Variants in NIPBL observed in about 807,000 individuals in gnomAD.
NIPBL encodes the protein NIPBL cohesin loading factor.
Under a neutral mutation model 321.8 loss-of-function variants are expected in NIPBL, and 19 were observed. That is an observed-to-expected ratio of 0.06 (90% CI 0.04 to 0.09). The LOEUF (loss-of-function observed/expected upper bound fraction) is 0.09. Ranked by LOEUF, NIPBL falls within the 10% of genes least tolerant of loss-of-function variation. The pLI, the probability that NIPBL is intolerant of heterozygous loss-of-function variation, is 1.00. For missense variants in NIPBL, 2,210 were observed against 3,327.0 expected (o/e 0.66, Z 8.26); for synonymous variants, 1,106 against 1,114.1 (o/e 0.99, Z 0.14).
chr5:36,955,008 A>G, intron 2 of NIPBL: 1 of 157,564 alleles, frequency 6.3e-6, no homozygotes. Flanking sequence ...CTTTCTTGCT[A>G]AAGTGAGGTA....
At chr5:37,035,260 C>T (rs971563179) in intron 32 of NIPBL, among the ~76,000 whole-genome samples, 1 of 152,214 alleles carries the variant, frequency 6.6e-6, no homozygotes, top group Non-Finnish European at 1.5e-5. Flanking sequence ...GACAATGAGA[C>T]CCTGTCTCAG....
chr5:37,041,264 T>TTTG (rs2149725068), intron 34 of NIPBL, among the ~76,000 whole-genome samples: 1 of 125,130 alleles, frequency 8.0e-6, no homozygotes, highest in Admixed American at 8.0e-5. Flanking sequence ...TTTTTTTTTT[T>TTTG]TTTTTTTTTT....
intron 9 of NIPBL, among the ~76,000 whole-genome samples, chr5:36,980,875 T>A (rs1161299416): frequency 6.6e-6 from 1 of 151,700 alleles, no homozygotes; most frequent in Non-Finnish European, 1.5e-5. Context: ...TGTGATGGGA[T>A]GGTATTTGTT....
At chr5:36,956,521 T>C (rs1207460935) in intron 3 of NIPBL, among the ~76,000 whole-genome samples, 3 of 151,402 alleles carry the variant, frequency 2.0e-5, no homozygotes, top group African/African-American at 7.3e-5. Context: ...GATTTTCTAA[T>C]GGAGAAGCTA....
chr5:37,015,504 G>A (rs573356751), intron 22 of NIPBL, among the ~76,000 whole-genome samples: 200 of 152,244 alleles, frequency 1.3e-3, no homozygotes, highest in African/African-American at 4.7e-3. Context: ...GAAGACCAAG[G>A]CAGGTGGATT....
At chr5:36,899,738 T>TAGA (rs1747058824) in intron 1 of NIPBL, among the ~76,000 whole-genome samples, 1 of 152,230 alleles carries the variant, frequency 6.6e-6, no homozygotes, top group Non-Finnish European at 1.5e-5. Flanking sequence ...TAAGTACATG[T>TAGA]ATATACACAG....
intron 1 of NIPBL, among the ~76,000 whole-genome samples, chr5:36,920,849 C>T (rs1748880553): frequency 6.6e-6 from 1 of 150,576 alleles, no homozygotes; most frequent in South Asian, 2.1e-4. Flanking sequence ...TCAAAGACTG[C>T]CTGGACCTAC....
Position 36,985,210 on chromosome 5 carries a change from G to A in NIPBL, c.2030G>A (p.Arg677Lys). The change falls in exon 10 of 47, where the codon AGA (arginine) becomes AAA (lysine). Residue 677 changes from arginine to lysine, a missense_variant. Arg to Lys is a conservative substitution (Grantham distance 26, BLOSUM62 2). This residue lies in a region of NIPBL where 588 missense variants were observed against 564.1 expected (regional missense o/e 1.04). Coordinates refer to ENST00000282516, the MANE Select transcript of NIPBL (RefSeq NM_133433.4). The stretch of plus-strand genomic sequence containing the variant: ...GTTGAGCCTAAACAAAATGAAAATA[G>A]ACTGTCTGACACAAAACCAAATGAC... ...TIVEPKQNEN[R>K]LSDTKPNDNK... is the part of the protein sequence containing the mutation. 1 of 1,613,808 alleles carries A rather than the reference G, an allele frequency of 6.2e-7. No homozygotes were observed. The highest frequency in any genetic ancestry group is 1.3e-5 in the African/African-American group (1 of 74,988).
intron 1 of NIPBL, among the ~76,000 whole-genome samples, chr5:36,918,297 G>A (rs935078784): frequency 6.6e-4 from 101 of 152,230 alleles, no homozygotes; most frequent in Admixed American, 1.3e-3. Context: ...CTGTGAGTGG[G>A]AGTTCACTCA....
In NIPBL at chr5:36,961,735, A is replaced by G. The variant is rs1262521448; in HGVS notation, c.458+152A>G. The G allele has an allele frequency of 1.9e-5, 13 of 679,764 alleles. No homozygotes were observed. The East Asian group carries it at 2.4e-4, about 13-fold the overall frequency. The allele number at this position is 679,764 out of a possible 1,614,324, so 42.1% of individuals were successfully genotyped here. A position where few individuals can be genotyped will look rare whatever the true frequency, so the allele number is the denominator to read the frequency against. On this transcript the variant is annotated intron_variant, in intron 5 of 46. Coordinates refer to ENST00000282516, the MANE Select transcript of NIPBL (RefSeq NM_133433.4). ...TAATCCACTTTGCATTTGCCTTAAAATGTTGTATATGGAAATAGTCTGATA... is the reference window on the plus strand; with the variant it reads ...TAATCCACTTTGCATTTGCCTTAAAGTGTTGTATATGGAAATAGTCTGATA...
chr5:36,879,492 C>G (rs1428873219), intron 1 of NIPBL, among the ~76,000 whole-genome samples: 7 of 152,080 alleles, frequency 4.6e-5, no homozygotes, highest in Admixed American at 1.3e-4. Flanking sequence ...AAGGAGAAAA[C>G]ATTGTGTAAA....
intron 1 of NIPBL, among the ~76,000 whole-genome samples, chr5:36,881,057 C>T (rs1020113184): frequency 1.3e-5 from 2 of 151,958 alleles, no homozygotes; most frequent in Non-Finnish European, 2.9e-5. Context: ...TTTCAATTAT[C>T]TAAGTTCAAA....
intron 32 of NIPBL, among the ~76,000 whole-genome samples, chr5:37,031,498 A>G (rs775789625): frequency 5.3e-5 from 8 of 152,208 alleles, no homozygotes; most frequent in Non-Finnish European, 8.8e-5. Context: ...AAACACATTG[A>G]TAGCCATGTG....
At chr5:37,030,681 T>C (rs1561185033) in intron 32 of NIPBL, among the ~76,000 whole-genome samples, 1 of 152,142 alleles carries the variant, frequency 6.6e-6, no homozygotes, top group Non-Finnish European at 1.5e-5. Context: ...TTAGGGAAAC[T>C]TGAAGTACTA....
At chr5:36,900,476 C>A (rs1561364002) in intron 1 of NIPBL, among the ~76,000 whole-genome samples, 1 of 152,018 alleles carries the variant, frequency 6.6e-6, no homozygotes, top group African/African-American at 2.4e-5. Flanking sequence ...CTGATGCTTA[C>A]AAAGAATGTG....
chr5:36,923,361 T>A (rs72734687), intron 1 of NIPBL, among the ~76,000 whole-genome samples: 2,660 of 152,118 alleles, frequency 0.017, 33 homozygotes, highest in Middle Eastern at 0.044. Context: ...TCAGGGCCAA[T>A]GATGTTATTC....
intron 35 of NIPBL, 42 bp from the exon 36 acceptor site, chr5:37,044,594 T>G: frequency 5.1e-6 from 8 of 1,578,500 alleles, no homozygotes; most frequent in Non-Finnish European, 5.2e-6. Flanking sequence ...TTTAAAATAG[T>G]ATATTTTTAA....
At chr5:36,900,849 ATTC>A (rs1747148820) in intron 1 of NIPBL, among the ~76,000 whole-genome samples, 1 of 152,092 alleles carries the variant, frequency 6.6e-6, no homozygotes, top group South Asian at 2.1e-4. Context: ...GTTCCTGTTC[ATTC>A]TTCAAGTTCC....
intron 1 of NIPBL, chr5:36,885,606 A>G (rs1015189720): frequency 2.8e-5 from 15 of 534,864 alleles, no homozygotes; most frequent in Non-Finnish European, 5.6e-5. Flanking sequence ...ACCATCGAGG[A>G]TCTGAGGGCT....
Sources: allele counts gnomAD v4.1 joint callset (sites outside exome capture counted in the v4.1 genomes callset), GRCh38; gene constraint gnomAD v4.1.1; regional missense constraint gnomAD v4.1.1; transcripts MANE v1.5; gene names NCBI Gene and HGNC (gene_info 2026-07-23, HGNC 2026-07-21).